NAPEPLD: variants seen among roughly 807,000 people sequenced by gnomAD.
NAPEPLD encodes N-acyl-phosphatidylethanolamine-hydrolyzing phospholipase D.
A neutral mutation model predicts 38.1 loss-of-function variants in NAPEPLD; 23 were observed. The ratio of observed to expected loss-of-function variants is 0.60; its 90% CI spans 0.43 to 0.86. NAPEPLD has a LOEUF of 0.86. Among genes scored for constraint, NAPEPLD ranks in the 40% least tolerant of loss-of-function variants. The pLI, the probability that NAPEPLD is intolerant of heterozygous loss-of-function variation, is 0.00. For synonymous variants in NAPEPLD, 147 were observed against 162.0 expected, an observed-to-expected ratio of 0.91 and a Z score of 0.71; for missense variants, 411 against 476.8, an observed-to-expected ratio of 0.86 and a Z score of 1.28.
chr7:103,102,487 C>T lies in NAPEPLD; in HGVS notation c.*942G>A, dbSNP rs1802545955. ...AGTACCTGTGACTACAGGTACACACCACCTCACCCGGCTTTTTCTTTTTTC... is the reference window on the plus strand; with the variant it reads ...AGTACCTGTGACTACAGGTACACACTACCTCACCCGGCTTTTTCTTTTTTC... On this transcript the variant is annotated 3_prime_UTR_variant, in exon 5 of 5. Coordinates refer to ENST00000465647, the MANE Select transcript of NAPEPLD (RefSeq NM_001122838.3). The T allele has an allele frequency of 6.6e-6, 1 of 152,152 alleles. No individual in the cohort carries two copies. The highest frequency in any genetic ancestry group is 2.4e-5 in the African/African-American group (1 of 41,396). 9.4% of individuals were successfully genotyped at this position (152,152 alleles called of 1,614,324 possible).
chr7:103,147,599 T>C (rs1481234696), intron 1 of NAPEPLD, among the ~76,000 whole-genome samples: 4 of 152,198 alleles, frequency 2.6e-5, no homozygotes, highest in African/African-American at 9.6e-5. Flanking sequence ...AGTAACATAA[T>C]ACCCCTTTCG....
In NAPEPLD at chr7:103,128,554, G is replaced by C. The variant is rs1276372013; in HGVS notation, c.223C>G (p.Pro75Ala). Residue 75 changes from proline to alanine, a missense_variant, in exon 2 of 5, where the codon CCC (proline) becomes GCC (alanine). Pro to Ala is a conservative substitution (Grantham distance 27). Transcript: ENST00000465647. ...FVNPWPTWKN[P>A]SIPNVLRWLI... ...CATCTGAGAACATTTGGAATAGAGG[G>C]GTTTTTCCATGTTGGCCACGGATTC... 1 of 1,614,146 alleles carries C rather than the reference G, an allele frequency of 6.2e-7. No homozygotes were observed. The highest frequency in any genetic ancestry group is 1.7e-5 in the Admixed American group (1 of 60,026).
At chr7:103,129,243 C>T (rs1808449817) in intron 1 of NAPEPLD, 1 of 919,824 alleles carries the variant, frequency 1.1e-6, no homozygotes, top group African/African-American at 1.8e-5. Context: ...AACAAACAAA[C>T]AAACAAAACA....
intron 1 of NAPEPLD, among the ~76,000 whole-genome samples, chr7:103,133,068 A>T (rs1254148009): frequency 6.6e-6 from 1 of 152,142 alleles, no homozygotes; most frequent in African/African-American, 2.4e-5. Context: ...TCTGATACAA[A>T]CAAAACGAAA....
chr7:103,148,165 C>A, intron 1 of NAPEPLD: 1 of 905,320 alleles, frequency 1.1e-6, no homozygotes, highest in Non-Finnish European at 1.3e-6. Context: ...GGAATTATTT[C>A]TCAATTTGAA....
intron 3 of NAPEPLD, among the ~76,000 whole-genome samples, chr7:103,118,658 T>A (rs1340967216): frequency 6.6e-6 from 1 of 152,236 alleles, no homozygotes; most frequent in Non-Finnish European, 1.5e-5. Context: ...ACAATATTTT[T>A]AAAATTATCC....
At chr7:103,125,099 T>C (rs2129529671) in intron 2 of NAPEPLD, among the ~76,000 whole-genome samples, 1 of 152,362 alleles carries the variant, frequency 6.6e-6, no homozygotes, top group East Asian at 1.9e-4. Flanking sequence ...AATACTTTTC[T>C]TCCAACTGAA....
chr7:103,132,343 A>C (rs1436559142), intron 1 of NAPEPLD, among the ~76,000 whole-genome samples: 1 of 152,188 alleles, frequency 6.6e-6, no homozygotes, highest in Non-Finnish European at 1.5e-5. Context: ...AGAAGAGAAA[A>C]AGCAGAATAA....
At chr7:103,132,760 G>A (rs1311562623) in intron 1 of NAPEPLD, among the ~76,000 whole-genome samples, 1 of 152,076 alleles carries the variant, frequency 6.6e-6, no homozygotes, top group Non-Finnish European at 1.5e-5. Context: ...ACTCCAGCCT[G>A]GGCGACAGAG....
intron 2 of NAPEPLD, among the ~76,000 whole-genome samples, chr7:103,123,840 G>A (rs556120815): frequency 6.6e-6 from 1 of 152,290 alleles, no homozygotes; most frequent in African/African-American, 2.4e-5. Flanking sequence ...CAGGTTGGGA[G>A]AATAAGGGGG....
chr7:103,120,709 T>TTC (rs1806494475), intron 2 of NAPEPLD, among the ~76,000 whole-genome samples: 1 of 112,978 alleles, frequency 8.9e-6, no homozygotes, highest in Admixed American at 8.9e-5. Flanking sequence ...TTCTTTTTTT[T>TTC]TTTTTTTTTT....
intron 4 of NAPEPLD, among the ~76,000 whole-genome samples, chr7:103,106,041 A>G (rs922071868): frequency 6.6e-6 from 1 of 151,444 alleles, no homozygotes; most frequent in Non-Finnish European, 1.5e-5. Context: ...CAACTGAGGT[A>G]CCTGGTCCAT....
chr7:103,110,819 T>C (rs990494640), intron 4 of NAPEPLD, among the ~76,000 whole-genome samples: 24 of 152,158 alleles, frequency 1.6e-4, no homozygotes, highest in African/African-American at 5.8e-4. Flanking sequence ...TGATTGTATA[T>C]TTAGAGAAAC....
chr7:103,103,323 T>C lies in NAPEPLD; in HGVS notation c.*106A>G. On this transcript the variant is annotated 3_prime_UTR_variant, in exon 5 of 5. Transcript: ENST00000465647. The stretch of plus-strand genomic sequence containing the variant: ...TAAAACATAAACTTGCAGAAGTTGT[T>C]TCCAAATGTAAAATAATCACAATAT... The C allele has an allele frequency of 7.5e-7, 1 of 1,327,564 alleles. No individual in the cohort carries two copies. Among genetic ancestry groups the C allele is most frequent in the Non-Finnish European group, 1.0e-6 (1 of 981,946 alleles). The allele number at this position is 1,327,564 out of a possible 1,614,324, so 82.2% of individuals were successfully genotyped here.
At chr7:103,121,784 C>T (rs957437992) in intron 2 of NAPEPLD, among the ~76,000 whole-genome samples, 2 of 152,044 alleles carry the variant, frequency 1.3e-5, no homozygotes, top group Non-Finnish European at 2.9e-5. Context: ...GCCACTAAAT[C>T]AACTTTGAAA....
At chr7:103,113,822 A>G (rs1251889382) in intron 4 of NAPEPLD, among the ~76,000 whole-genome samples, 4 of 151,198 alleles carry the variant, frequency 2.6e-5, no homozygotes, top group Non-Finnish European at 5.9e-5. Context: ...GGTTTTCATC[A>G]TGTTGGCCAG....
At chr7:103,123,049 T>C (rs187853108) in intron 2 of NAPEPLD, among the ~76,000 whole-genome samples, 48 of 152,352 alleles carry the variant, frequency 3.2e-4, no homozygotes, top group African/African-American at 1.1e-3. Flanking sequence ...CCCACCTACA[T>C]GGAGACTGCT....
chr7:103,119,565 A>G lies in NAPEPLD; in HGVS notation c.941+12T>C, dbSNP rs1563353976. 11 of 1,589,068 alleles carry G rather than the reference A, an allele frequency of 6.9e-6. No individual in the cohort carries two copies. Among genetic ancestry groups the G allele is most frequent in the Non-Finnish European group, 8.6e-6 (10 of 1,167,250 alleles). On this transcript the variant is annotated intron_variant, in intron 3 of 4. Transcript: ENST00000465647. ...CACATAGCAGGAATGTTTTCTTTGG[A>G]AGTCTACATACCTCGGTTCATAAGC...
At chr7:103,141,785 C>T (rs556653484) in intron 1 of NAPEPLD, 91 of 868,848 alleles carry the variant, frequency 1.0e-4, no homozygotes, top group Middle Eastern at 2.2e-4. Flanking sequence ...CACAGGCTTG[C>T]GGATGATCAG....
Sources: allele counts gnomAD v4.1 joint callset (sites outside exome capture counted in the v4.1 genomes callset), GRCh38; gene constraint gnomAD v4.1.1; transcripts MANE v1.5; gene names NCBI Gene and HGNC (gene_info 2026-07-23, HGNC 2026-07-21).